Variants in SMYD4 observed in about 807,000 individuals in gnomAD.
SMYD4 encodes the protein SET and MYND domain containing 4.
Under a neutral mutation model 72.8 loss-of-function variants are expected in SMYD4, and 68 were observed. That is an observed-to-expected ratio of 0.93 (90% CI 0.77 to 1.14). The LOEUF is 1.14. SMYD4 is among the 50% of genes most tolerant of loss of function. The probability of loss-of-function intolerance (pLI) is 0.00; values close to 1 mark genes in which losing one functional copy is unlikely to be tolerated. For synonymous variants in SMYD4, 407 were observed against 388.6 expected, an observed-to-expected ratio of 1.05 and a Z score of -0.56; for missense variants, 984 against 1,003.7, an observed-to-expected ratio of 0.98 and a Z score of 0.27.
At chr17:1,824,708 C>G (rs560273188) in intron 2 of SMYD4, among the ~76,000 whole-genome samples, 1 of 152,300 alleles carries the variant, frequency 6.6e-6, no homozygotes, top group East Asian at 1.9e-4. Context: ...CACCCTCCGT[C>G]TCCCAGGTTC....
chr17:1,790,911 G>C (rs1908986323), intron 5 of SMYD4, among the ~76,000 whole-genome samples: 1 of 151,422 alleles, frequency 6.6e-6, no homozygotes, highest in African/African-American at 2.4e-5. Flanking sequence ...TGGATCACGA[G>C]GTCAGGAGAT....
At chr17:1,787,995 A>G (rs998506865) in intron 5 of SMYD4, among the ~76,000 whole-genome samples, 2 of 152,218 alleles carry the variant, frequency 1.3e-5, no homozygotes, top group African/African-American at 2.4e-5. Flanking sequence ...TTAGAGCCCA[A>G]GGGCTTTTGT....
In SMYD4 at chr17:1,784,347, G is replaced by C. The variant is rs1340722992; in HGVS notation, c.1999C>G (p.Leu667Val). 1 of 1,614,120 alleles carries C rather than the reference G, an allele frequency of 6.2e-7. No homozygotes were observed. The highest frequency in any genetic ancestry group is 8.5e-7 in the Non-Finnish European group (1 of 1,180,066). Residue 667 changes from leucine to valine, a missense_variant, in exon 8 of 11, where the codon CTT (leucine) becomes GTT (valine). Physicochemically the swap from Leu to Val is conservative, Grantham distance 32. Coordinates refer to ENST00000305513, the MANE Select transcript of SMYD4 (RefSeq NM_052928.3). ...TCACCTAGTTCACCATCTCTGAGAAGCTTCTGGGCCACTCTGACCTGCTGC... is the reference window on the plus strand; with the variant it reads ...TCACCTAGTTCACCATCTCTGAGAACCTTCTGGGCCACTCTGACCTGCTGC... ...LQQQVRVAQK[L>V]LRDGELERAV...
rs1908712148 is a variant in SMYD4 at position 1,786,754 on chromosome 17, C to G, written c.1884+56G>C. ...GGCTTCCTCCTAAACACTGATCACC[C>G]TTGGGGTGGAAAACTGACCTCCAGG... On this transcript the variant is annotated intron_variant, in intron 7 of 10. Transcript: ENST00000305513. The G allele has an allele frequency of 1.9e-6, 3 of 1,609,382 alleles. No homozygotes were observed. The African/African-American group carries it at 4.0e-5, about 22-fold the overall frequency.
chr17:1,798,837 T>C (rs1444444007), intron 5 of SMYD4, among the ~76,000 whole-genome samples: 1 of 151,094 alleles, frequency 6.6e-6, no homozygotes, highest in Non-Finnish European at 1.5e-5. Flanking sequence ...AGGTGGAGGC[T>C]ACAGTGAGCT....
chr17:1,800,068 G>C lies in SMYD4; in HGVS notation c.1326C>G (p.Leu442=). 6.2e-7 allele frequency: 1 copy of C among 1,612,552 alleles called. No individual in the cohort carries two copies. The highest frequency in any genetic ancestry group is 1.1e-5 in the South Asian group (1 of 90,932). The stretch of plus-strand genomic sequence containing the variant: ...ACAGTGCAGAAACACAGAGAGCACA[G>C]AGGAATTTGTGCTCTGGGCTATGGT... ...TENHSPEHKF[L]CALCVSALCR... is the part of the protein sequence containing the mutation. Residue 442 remains leucine, a synonymous_variant, in exon 5 of 11, where the codon CTC becomes CTG. Coordinates refer to ENST00000305513, the MANE Select transcript of SMYD4 (RefSeq NM_052928.3).
chr17:1,819,165 T>C (rs113380523), intron 2 of SMYD4, among the ~76,000 whole-genome samples: 240 of 152,130 alleles, frequency 1.6e-3, no homozygotes, highest in African/African-American at 5.2e-3. Context: ...GAGACCACCC[T>C]GGGCAACATG....
rs1327890043 is a variant in SMYD4, at chr17:1,800,411, T to G, written c.983A>C (p.Glu328Ala). The G allele has an allele frequency of 6.2e-7, 1 of 1,614,150 alleles. No individual in the cohort carries two copies. Among genetic ancestry groups the G allele is most frequent in the Non-Finnish European group, 8.5e-7 (1 of 1,180,038 alleles). Residue 328 changes from glutamate to alanine, a missense_variant, in exon 5 of 11, where the codon GAG becomes GCG. Coordinates refer to ENST00000305513, the MANE Select transcript of SMYD4 (RefSeq NM_052928.3). ...CSQECLQQAWELYHRTECPLG... is the reference protein window; with the variant it reads ...CSQECLQQAWALYHRTECPLG... The stretch of plus-strand genomic sequence containing the variant: ...AGGACATTCTGTCCTGTGGTAGAGC[T>G]CCCAGGCCTGCTGCAAACACTCCTG...
intron 3 of SMYD4, 89 bp from the exon 4 acceptor site, chr17:1,804,804 G>A: frequency 7.6e-7 from 1 of 1,309,670 alleles, no homozygotes; most frequent in Admixed American, 1.8e-5. Context: ...TAGTACTGAA[G>A]ACTGTGTGAA....
Position 1,787,406 on chromosome 17 carries a change from CG to C in SMYD4, c.1720+15del. 6.4e-7 allele frequency: 1 copy of C among 1,551,996 alleles called. No individual in the cohort carries two copies. ...GTTGGAGAAGGGCAGGATGGCAGTG[CG>C]GAGGGATGGCTCACCATAGCAGTGG... On this transcript the variant is annotated intron_variant, in intron 6 of 10. Transcript: ENST00000305513.
chr17:1,807,204 T>C (rs908461570), intron 3 of SMYD4, among the ~76,000 whole-genome samples: 1 of 151,274 alleles, frequency 6.6e-6, no homozygotes, highest in South Asian at 2.1e-4. Flanking sequence ...GCAAAGTTTC[T>C]CATCATAGAC....
At position 1,800,522 on chromosome 17, in the gene SMYD4, T is replaced by C. The variant is rs1197044973; in HGVS notation, c.872A>G (p.Asn291Ser). The C allele has an allele frequency of 1.2e-6, 2 of 1,614,190 alleles. No homozygotes were observed. The highest frequency in any genetic ancestry group is 2.2e-5 in the East Asian group (1 of 44,886). ...LDSKWDTRVT[N>S]GDLYCHRCLK... ...ACATCGGTGACAATAGAGGTCCCCA[T>C]TGGTGACTCTGGTGTCCCATTTGCT... The change falls in exon 5 of 11, where the codon AAT becomes AGT. Residue 291 changes from asparagine (N) to serine (S), a missense_variant. By Grantham distance (46) the Asn-to-Ser change is conservative. Transcript: ENST00000305513.
Position 1,800,138 on chromosome 17 carries a change from T to C in SMYD4, c.1256A>G (p.Glu419Gly). 4 of 1,610,856 alleles carry C rather than the reference T, an allele frequency of 2.5e-6. No homozygotes were observed. Among genetic ancestry groups the C allele is most frequent in the Non-Finnish European group, 3.4e-6 (4 of 1,178,192 alleles). The stretch of plus-strand genomic sequence containing the variant: ...GTTGAAGACAGCATTATAATTATTT[T>C]CATACTTCCCATTAATATCGCATCC... ...IPGCDINGKY[E>G]NNYNAVFNLL... The change falls in exon 5 of 11, where the codon GAA becomes GGA. Residue 419 changes from glutamate (E) to glycine (G), a missense_variant. Transcript: ENST00000305513.
chr17:1,792,322 A>T (rs897473732), intron 5 of SMYD4, among the ~76,000 whole-genome samples: 2 of 151,514 alleles, frequency 1.3e-5, no homozygotes, highest in African/African-American at 2.4e-5. Flanking sequence ...TACAGGCTTG[A>T]GCCACCACGC....
At chr17:1,792,028 C>T (rs1317203716) in intron 5 of SMYD4, among the ~76,000 whole-genome samples, 3 of 147,010 alleles carry the variant, frequency 2.0e-5, no homozygotes, top group South Asian at 4.3e-4. Flanking sequence ...TCTTTAAATC[C>T]TAACCTAAAA....
intron 2 of SMYD4, among the ~76,000 whole-genome samples, chr17:1,815,288 T>G (rs988111876): frequency 6.6e-6 from 1 of 152,000 alleles, no homozygotes; most frequent in Non-Finnish European, 1.5e-5. Context: ...GGTCTCCAAC[T>G]CCTAACCTCA....
At chr17:1,798,839 C>T (rs1008051344) in intron 5 of SMYD4, among the ~76,000 whole-genome samples, 2 of 151,120 alleles carry the variant, frequency 1.3e-5, no homozygotes, top group Non-Finnish European at 2.9e-5. Flanking sequence ...GTGGAGGCTA[C>T]AGTGAGCTGA....
rs777500796 is a variant in SMYD4, at chr17:1,781,326, A to T, written c.2375T>A (p.Leu792Ter). The T allele has an allele frequency of 6.2e-7, 1 of 1,613,886 alleles. No homozygotes were observed. The highest frequency in any genetic ancestry group is 2.2e-5 in the East Asian group (1 of 44,880). ...IQELQKMKSC[L>*]LDLPPTPVGP... is the part of the protein sequence containing the mutation. ...TACAGGGGTGGGTGGTAAGTCCAACAAACAGGATTTCATCTTCTGGAGCTC... is the reference window on the plus strand; with the variant it reads ...TACAGGGGTGGGTGGTAAGTCCAACTAACAGGATTTCATCTTCTGGAGCTC... Residue 792 changes from leucine to a stop codon, truncating the protein, a stop_gained, in exon 11 of 11, where the codon TTG (leucine) becomes TAG (stop). Transcript: ENST00000305513. LOFTEE classifies it high-confidence loss of function.
At chr17:1,789,594 T>C (rs1263231264) in intron 5 of SMYD4, among the ~76,000 whole-genome samples, 1 of 151,776 alleles carries the variant, frequency 6.6e-6, no homozygotes, top group African/African-American at 2.4e-5. Context: ...TGAACCCTCG[T>C]CTCTACCAAA....
Sources: gnomAD v4.1 joint callset for allele counts (sites outside exome capture counted in the v4.1 genomes callset) on GRCh38, gnomAD v4.1.1 for gene constraint, MANE v1.5 for transcripts, NCBI Gene and HGNC (gene_info 2026-07-23, HGNC 2026-07-21) for gene names.